The following GABRB1 variants were observed in gnomAD, a reference collection of about 807,000 sequenced individuals.
GABRB1 encodes the protein gamma-aminobutyric acid receptor subunit beta-1.
Under a neutral mutation model 51.6 loss-of-function variants are expected in GABRB1, and 17 were observed. The observed-to-expected ratio is 0.33, with a 90% CI of 0.23 to 0.49. GABRB1 has a LOEUF of 0.49. Among genes scored for constraint, GABRB1 ranks in the 20% least tolerant of loss-of-function variants. The pLI is 0.99. For synonymous variants in GABRB1, 247 were observed against 218.9 expected, an observed-to-expected ratio of 1.13 and a Z score of -1.14; for missense variants, 410 against 600.6, an observed-to-expected ratio of 0.68 and a Z score of 3.32.
intron 4 of GABRB1, among the ~76,000 whole-genome samples, chr4:47,162,283 A>G (rs991205085): frequency 2.0e-5 from 3 of 152,058 alleles, no homozygotes; most frequent in Non-Finnish European, 2.9e-5. Flanking sequence ...TCTGTTACCA[A>G]TGTAACTTCC....
At chr4:47,105,075 A>C (rs969226612) in intron 3 of GABRB1, among the ~76,000 whole-genome samples, 7 of 152,070 alleles carry the variant, frequency 4.6e-5, no homozygotes, top group African/African-American at 1.2e-4. Flanking sequence ...CCAGGAAATA[A>C]ACACTCCTTA....
intron 5 of GABRB1, among the ~76,000 whole-genome samples, chr4:47,325,778 A>G (rs1725237239): frequency 6.6e-6 from 1 of 152,156 alleles, no homozygotes; most frequent in Non-Finnish European, 1.5e-5. Context: ...GACTCCTCCA[A>G]TCTAAGTTAG....
chr4:47,161,329 C>G lies in GABRB1; in HGVS notation c.321C>G (p.Thr107=), dbSNP rs577725318. The change falls in exon 4 of 9, where the codon ACC becomes ACG. Residue 107 remains threonine (T), a synonymous_variant. Transcript: ENST00000295454. Reference sequence around the variant, plus strand: ...ATTCTGGAATCCCACTGAACCTCACCCTAGACAATAGGGTAGCTGACCAAC... The same window carrying G: ...ATTCTGGAATCCCACTGAACCTCACGCTAGACAATAGGGTAGCTGACCAAC... ...LSYSGIPLNL[T]LDNRVADQLW... The G allele has an allele frequency of 1.2e-6, 2 of 1,612,670 alleles. No individual in the cohort carries two copies. Among genetic ancestry groups the G allele is most frequent in the East Asian group, 4.5e-5 (2 of 44,818 alleles).
At chr4:47,351,925 A>G (rs1168619102) in intron 5 of GABRB1, among the ~76,000 whole-genome samples, 1 of 152,116 alleles carries the variant, frequency 6.6e-6, no homozygotes, top group Non-Finnish European at 1.5e-5. Context: ...GTATATACCC[A>G]GTAATGGGAT....
At chr4:47,152,109 C>T (rs1011071144) in intron 3 of GABRB1, among the ~76,000 whole-genome samples, 2 of 151,896 alleles carry the variant, frequency 1.3e-5, no homozygotes, top group Middle Eastern at 3.2e-3. Flanking sequence ...ATTATAGACT[C>T]ATTCATTTTT....
chr4:47,114,937 C>T (rs1445153916), intron 3 of GABRB1, among the ~76,000 whole-genome samples: 1 of 152,148 alleles, frequency 6.6e-6, no homozygotes, highest in Non-Finnish European at 1.5e-5. Context: ...CCTGCCATCT[C>T]AATGTTCCTT....
At chr4:47,344,002 G>A (rs1259350381) in intron 5 of GABRB1, among the ~76,000 whole-genome samples, 5 of 152,290 alleles carry the variant, frequency 3.3e-5, no homozygotes, top group East Asian at 1.9e-4. Context: ...CTTCTTAGGG[G>A]CTGTTGCTTT....
chr4:47,142,800 A>T (rs1716990153), intron 3 of GABRB1, among the ~76,000 whole-genome samples: 1 of 151,916 alleles, frequency 6.6e-6, no homozygotes, highest in African/African-American at 2.4e-5. Context: ...GAAGATACCC[A>T]AGTGAATGCA....
At chr4:47,260,174 C>G (rs1434450504) in intron 4 of GABRB1, among the ~76,000 whole-genome samples, 3 of 151,908 alleles carry the variant, frequency 2.0e-5, no homozygotes, top group South Asian at 2.1e-4. Context: ...TTTTCCATTT[C>G]CTTGGTAGAT....
intron 5 of GABRB1, among the ~76,000 whole-genome samples, chr4:47,396,017 A>G (rs916506710): frequency 1.2e-4 from 18 of 152,282 alleles, no homozygotes; most frequent in Admixed American, 1.0e-3. Context: ...GCTATAATTT[A>G]TAATTTAGTT....
chr4:46,996,633 C>T (rs2109422959), intron 1 of GABRB1, among the ~76,000 whole-genome samples: 1 of 152,152 alleles, frequency 6.6e-6, no homozygotes, highest in South Asian at 2.1e-4. Flanking sequence ...GAACATTTGA[C>T]CAAACAGGCG....
chr4:47,135,487 A>G (rs1037693567), intron 3 of GABRB1, among the ~76,000 whole-genome samples: 1 of 152,160 alleles, frequency 6.6e-6, no homozygotes, highest in Admixed American at 6.5e-5. Flanking sequence ...AAGAGACGCC[A>G]CTGAGACATT....
At chr4:46,998,350 C>T (rs895124953) in intron 1 of GABRB1, among the ~76,000 whole-genome samples, 2 of 152,024 alleles carry the variant, frequency 1.3e-5, no homozygotes, top group African/African-American at 4.8e-5. Context: ...TAATAGTCTC[C>T]AAGATCTCAC....
At chr4:47,370,056 G>A (rs1346720200) in intron 5 of GABRB1, among the ~76,000 whole-genome samples, 1 of 151,582 alleles carries the variant, frequency 6.6e-6, no homozygotes, top group Non-Finnish European at 1.5e-5. Flanking sequence ...TCCCAAACCT[G>A]ATTTCCTATA....
At chr4:47,206,844 A>C (rs1175439352) in intron 4 of GABRB1, among the ~76,000 whole-genome samples, 1 of 151,440 alleles carries the variant, frequency 6.6e-6, no homozygotes, top group Non-Finnish European at 1.5e-5. Context: ...AGTTTATTGA[A>C]TTATAATATA....
chr4:47,080,764 A>G (rs991259551), intron 3 of GABRB1, among the ~76,000 whole-genome samples: 4 of 152,178 alleles, frequency 2.6e-5, no homozygotes, highest in African/African-American at 9.7e-5. Context: ...TTGATTAATC[A>G]AAAACAATGA....
intron 5 of GABRB1, among the ~76,000 whole-genome samples, chr4:47,339,490 A>T (rs144860575): frequency 6.6e-6 from 1 of 152,164 alleles, no homozygotes; most frequent in Non-Finnish European, 1.5e-5. Flanking sequence ...TCAACCAATT[A>T]TGAACAAGTA....
intron 4 of GABRB1, among the ~76,000 whole-genome samples, chr4:47,304,418 A>G (rs1303924827): frequency 6.6e-6 from 1 of 152,038 alleles, no homozygotes; most frequent in African/African-American, 2.4e-5. Flanking sequence ...CATGTTGGTT[A>G]TTTGTATGTC....
At chr4:47,300,893 T>C (rs1724234345) in intron 4 of GABRB1, among the ~76,000 whole-genome samples, 1 of 152,166 alleles carries the variant, frequency 6.6e-6, no homozygotes, top group Non-Finnish European at 1.5e-5. Context: ...TGTATATATG[T>C]ATATGTAAAC....
Sources: allele counts gnomAD v4.1 joint callset (sites outside exome capture counted in the v4.1 genomes callset), GRCh38; gene constraint gnomAD v4.1.1; transcripts MANE v1.5; gene names NCBI Gene and HGNC (gene_info 2026-07-23, HGNC 2026-07-21).